Variants in NKAIN3 observed in about 807,000 individuals in gnomAD.
NKAIN3 encodes the protein sodium/potassium transporting ATPase interacting 3, also known as sodium/potassium-transporting ATPase subunit beta-1-interacting protein 3.
In NKAIN3, 25 loss-of-function variants were observed where a neutral mutation model predicts 30.2. The observed-to-expected ratio is 0.83, with a 90% CI of 0.60 to 1.16. The LOEUF is 1.16. Ranked by LOEUF, NKAIN3 falls within the 50% of genes most tolerant of loss-of-function variation. The pLI is 0.00. For missense variants in NKAIN3, 225 were observed against 254.1 expected (o/e 0.89, Z 0.78); for synonymous variants, 91 against 89.6 (o/e 1.02, Z -0.09).
intron 1 of NKAIN3, among the ~76,000 whole-genome samples, chr8:62,321,926 G>T (rs1303963654): frequency 6.6e-6 from 1 of 152,186 alleles, no homozygotes; most frequent in Non-Finnish European, 1.5e-5. Context: ...TGCCCCCAGA[G>T]GTGGAGTCTA....
chr8:62,891,157 AG>A (rs1290114573), intron 4 of NKAIN3, among the ~76,000 whole-genome samples: 1 of 152,118 alleles, frequency 6.6e-6, no homozygotes, highest in Non-Finnish European at 1.5e-5. Context: ...GAACTGGGAG[AG>A]GCAGACCCAC....
chr8:62,713,867 G>A lies in NKAIN3; in HGVS notation c.274-33065G>A, dbSNP rs541164504. 9.9e-5 allele frequency among the ~76,000 whole-genome samples: 15 copies of A among 152,222 alleles called. No individual in the cohort carries two copies. In the East Asian group the frequency reaches 2.5e-3, roughly 25 times the overall value. On this transcript the variant is annotated intron_variant, in intron 3 of 6. Transcript: ENST00000623646. The stretch of plus-strand genomic sequence containing the variant: ...AGGAAGCTGTAAAGCTAATTGTAAT[G>A]TATTTGGAATTTGGTTAGAAACAGG...
At chr8:62,521,923 G>A (rs576741156) in intron 1 of NKAIN3, among the ~76,000 whole-genome samples, 53 of 152,148 alleles carry the variant, frequency 3.5e-4, no homozygotes, top group Middle Eastern at 3.4e-3. Context: ...CTTTTAAAAC[G>A]TTAGGAATGA....
At chr8:62,762,734 G>A (rs879825816) in intron 4 of NKAIN3, among the ~76,000 whole-genome samples, 6 of 152,004 alleles carry the variant, frequency 3.9e-5, no homozygotes, top group Non-Finnish European at 5.9e-5. Context: ...TTAGGTAAAG[G>A]AAAAAAGAGG....
chr8:62,869,292 C>T (rs886110369), intron 4 of NKAIN3, among the ~76,000 whole-genome samples: 1 of 152,124 alleles, frequency 6.6e-6, no homozygotes, highest in Non-Finnish European at 1.5e-5. Flanking sequence ...AGATATTTGT[C>T]CTAATGCTCT....
chr8:62,937,319 C>T (rs1448775250), intron 5 of NKAIN3, among the ~76,000 whole-genome samples: 1 of 152,164 alleles, frequency 6.6e-6, no homozygotes, highest in Non-Finnish European at 1.5e-5. Context: ...TGGCTTGCCA[C>T]TGCGTACTCC....
At chr8:62,615,050 G>A (rs1811409607) in intron 3 of NKAIN3, among the ~76,000 whole-genome samples, 2 of 152,066 alleles carry the variant, frequency 1.3e-5, no homozygotes, top group African/African-American at 2.4e-5. Context: ...TTTTCCCTCT[G>A]CTTTTCTCAA....
At chr8:62,760,130 A>G (rs147866937) in intron 4 of NKAIN3, among the ~76,000 whole-genome samples, 1,545 of 152,206 alleles carry the variant, frequency 0.01, 25 homozygotes, top group African/African-American at 0.034. Context: ...GAAACAACAG[A>G]TGCTGGAGAT....
intron 3 of NKAIN3, among the ~76,000 whole-genome samples, chr8:62,637,368 C>T (rs932189230): frequency 6.6e-6 from 1 of 152,152 alleles, no homozygotes; most frequent in Non-Finnish European, 1.5e-5. Context: ...CCTTGCTGGA[C>T]CAGGTGGTTT....
chr8:62,753,440 G>A (rs1037589667), intron 4 of NKAIN3, among the ~76,000 whole-genome samples: 2 of 151,486 alleles, frequency 1.3e-5, no homozygotes, highest in Non-Finnish European at 2.9e-5. Context: ...GCAAAGAAAG[G>A]GTCATTATTC....
At chr8:62,683,218 T>C (rs930187412) in intron 3 of NKAIN3, among the ~76,000 whole-genome samples, 5 of 152,104 alleles carry the variant, frequency 3.3e-5, no homozygotes, top group Non-Finnish European at 7.4e-5. Context: ...GTATTTTTAG[T>C]AGAAACGGGG....
At chr8:62,520,607 C>T (rs1040577762) in intron 1 of NKAIN3, among the ~76,000 whole-genome samples, 1 of 152,092 alleles carries the variant, frequency 6.6e-6, no homozygotes, top group Non-Finnish European at 1.5e-5. Context: ...AGCAGATTCA[C>T]AAGCTCAAGT....
At chr8:62,303,314 G>A (rs1350344930) in intron 1 of NKAIN3, among the ~76,000 whole-genome samples, 2 of 150,454 alleles carry the variant, frequency 1.3e-5, no homozygotes, top group Non-Finnish European at 2.9e-5. Context: ...CATGGCTCTT[G>A]AAAAACAGCC....
intron 6 of NKAIN3, among the ~76,000 whole-genome samples, chr8:62,961,413 C>T (rs113930017): frequency 6.6e-6 from 1 of 151,952 alleles, no homozygotes; most frequent in Admixed American, 6.6e-5. Context: ...TATAGAAATA[C>T]AAGAATAGTT....
intron 3 of NKAIN3, among the ~76,000 whole-genome samples, chr8:62,697,722 A>G (rs1814209237): frequency 6.6e-6 from 1 of 152,124 alleles, no homozygotes; most frequent in African/African-American, 2.4e-5. Flanking sequence ...TAGGTTCTTC[A>G]TATGTTTTGT....
intron 1 of NKAIN3, among the ~76,000 whole-genome samples, chr8:62,257,595 T>C (rs903754808): frequency 6.6e-6 from 1 of 152,192 alleles, no homozygotes; most frequent in Non-Finnish European, 1.5e-5. Flanking sequence ...ATTTAATGCC[T>C]TACCAAAATA....
intron 3 of NKAIN3, among the ~76,000 whole-genome samples, chr8:62,593,213 T>C (rs1810711921): frequency 6.6e-6 from 1 of 151,966 alleles, no homozygotes; most frequent in Admixed American, 6.6e-5. Flanking sequence ...AAATGTTGAA[T>C]GACTGAAATA....
At chr8:62,950,015 A>G (rs1268550618) in intron 5 of NKAIN3, among the ~76,000 whole-genome samples, 2 of 152,122 alleles carry the variant, frequency 1.3e-5, no homozygotes, top group Non-Finnish European at 2.9e-5. Flanking sequence ...AAAGTACTTA[A>G]TTCAGCATCT....
intron 1 of NKAIN3, among the ~76,000 whole-genome samples, chr8:62,441,663 TA>T (rs530410152): frequency 4.6e-4 from 70 of 152,056 alleles, no homozygotes; most frequent in Non-Finnish European, 9.0e-4. Flanking sequence ...TTAACTACAT[TA>T]GATTTGCTTT....
Sources: allele counts gnomAD v4.1 joint callset (sites outside exome capture counted in the v4.1 genomes callset), GRCh38; gene constraint gnomAD v4.1.1; transcripts MANE v1.5; gene names NCBI Gene and HGNC (gene_info 2026-07-23, HGNC 2026-07-21).